ESYT2: variants seen among roughly 807,000 people sequenced by gnomAD.
ESYT2 encodes extended synaptotagmin 2.
A neutral mutation model predicts 107.2 loss-of-function variants in ESYT2; 54 were observed. That is an observed-to-expected ratio of 0.50 (90% CI 0.40 to 0.63). The LOEUF (loss-of-function observed/expected upper bound fraction) is 0.63, where lower values mean the gene tolerates loss of function less well. Among genes scored for constraint, ESYT2 ranks in the 30% least tolerant of loss-of-function variants. ESYT2 has a pLI of 0.00. For missense variants in ESYT2, 1,020 were observed against 1,094.5 expected (o/e 0.93, Z 0.96); for synonymous variants, 491 against 434.1 (o/e 1.13, Z -1.63).
In ESYT2 at chr7:158,741,916, T is replaced by C; in HGVS notation, c.1795-20A>G. On this transcript the variant is annotated intron_variant, in intron 17 of 22. Coordinates refer to ENST00000275418, the MANE Select transcript of ESYT2 (RefSeq NM_001367773.1). ...GAGCACCTAGAGGTGGACATAAACA[T>C]AAAAATTAAACTTGGTGACACTGGT... The C allele has an allele frequency of 6.5e-7, 1 of 1,550,102 alleles. No homozygotes were observed. The highest frequency in any genetic ancestry group is 8.7e-7 in the Non-Finnish European group (1 of 1,150,426).
intron 6 of ESYT2, among the ~76,000 whole-genome samples, chr7:158,780,270 T>G (rs1162345273): frequency 6.6e-6 from 1 of 152,232 alleles, no homozygotes; most frequent in Non-Finnish European, 1.5e-5. Flanking sequence ...GCCCACTGCC[T>G]GCGACTGCAG....
intron 13 of ESYT2, among the ~76,000 whole-genome samples, chr7:158,753,185 A>G (rs574335958): frequency 6.6e-6 from 1 of 152,096 alleles, no homozygotes; most frequent in African/African-American, 2.4e-5. Context: ...TGCTGAATAA[A>G]CCCCTAAAAT....
In ESYT2 at chr7:158,793,587, G is replaced by T. The variant is rs996947229; in HGVS notation, c.584+63C>A. Reference sequence around the variant, plus strand: ...TGCTCACTGTATCCTCCACCTTACAGGTACAGCTAAGTGACATTACACGCC... The same window carrying T: ...TGCTCACTGTATCCTCCACCTTACATGTACAGCTAAGTGACATTACACGCC... On this transcript the variant is annotated intron_variant, in intron 4 of 22. Transcript: ENST00000275418. 5 of 1,218,852 alleles carry T rather than the reference G, an allele frequency of 4.1e-6. No homozygotes were observed. The African/African-American group carries it at 7.4e-5, about 18-fold the overall frequency. 75.5% of individuals were successfully genotyped at this position (1,218,852 alleles called of 1,614,324 possible).
chr7:158,735,887 C>T (rs3816464), intron 20 of ESYT2, among the ~76,000 whole-genome samples: 11 of 151,930 alleles, frequency 7.2e-5, no homozygotes, highest in Admixed American at 7.2e-4. Flanking sequence ...GAGCGTCTCT[C>T]AACATGTCTG....
intron 1 of ESYT2, among the ~76,000 whole-genome samples, chr7:158,822,030 A>G (rs1840299432): frequency 6.6e-6 from 1 of 152,116 alleles, no homozygotes; most frequent in African/African-American, 2.4e-5. Flanking sequence ...TACTCTGAGC[A>G]GAGTGTAAAT....
chr7:158,776,993 C>T (rs1315683119), intron 6 of ESYT2, among the ~76,000 whole-genome samples: 2 of 151,964 alleles, frequency 1.3e-5, no homozygotes, highest in Non-Finnish European at 2.9e-5. Flanking sequence ...GCTGGGACTA[C>T]AGGCATACAC....
At chr7:158,778,500 TA>T (rs1026718631) in intron 6 of ESYT2, among the ~76,000 whole-genome samples, 1 of 151,658 alleles carries the variant, frequency 6.6e-6, no homozygotes, top group Non-Finnish European at 1.5e-5. Flanking sequence ...TGCAGGCTAT[TA>T]AAAAAATGTA....
Position 158,735,537 on chromosome 7 carries a change from C to A in ESYT2, c.2471G>T (p.Gly824Val), listed in dbSNP as rs776034418. 6.2e-7 allele frequency: 1 copy of A among 1,614,174 alleles called. No homozygotes were observed. Among genetic ancestry groups the A allele is most frequent in the Non-Finnish European group, 8.5e-7 (1 of 1,179,998 alleles). Residue 824 changes from glycine (G) to valine (V), a missense_variant, in exon 21 of 23, where the codon GGC becomes GTC. Gly to Val is a moderately radical substitution (Grantham distance 109). Transcript: ENST00000275418. Reference protein sequence around the residue: ...TLDVAVKNSGGFLSKDKGLLG... With the variant: ...TLDVAVKNSGVFLSKDKGLLG... ...GAGCCCTTTGTCTTTGGACAGGAAGCCGCCACTGTTCTTCACGGCAACGTC... is the reference window on the plus strand; with the variant it reads ...GAGCCCTTTGTCTTTGGACAGGAAGACGCCACTGTTCTTCACGGCAACGTC...
chr7:158,748,176 A>G lies in ESYT2; in HGVS notation c.1644+18T>C, dbSNP rs773335459. ...AATTATTTGTCAATAAATTGGTTAA[A>G]AAATGCAAATAAAATACCTCAACTT... On this transcript the variant is annotated intron_variant, in intron 16 of 22. Coordinates refer to ENST00000275418, the MANE Select transcript of ESYT2 (RefSeq NM_001367773.1). The G allele has an allele frequency of 5.6e-6, 9 of 1,611,168 alleles. No individual in the cohort carries two copies. The highest frequency in any genetic ancestry group is 7.6e-6 in the Non-Finnish European group (9 of 1,178,328).
chr7:158,743,267 A>G (rs1837274400), intron 17 of ESYT2, among the ~76,000 whole-genome samples: 1 of 152,170 alleles, frequency 6.6e-6, no homozygotes, highest in Non-Finnish European at 1.5e-5. Flanking sequence ...ACAGGAAAGC[A>G]CTGTTTGAGT....
chr7:158,803,483 C>G (rs1462414023), intron 1 of ESYT2, among the ~76,000 whole-genome samples: 4 of 152,184 alleles, frequency 2.6e-5, no homozygotes, highest in Admixed American at 6.5e-5. Flanking sequence ...ACTCAGCATA[C>G]TACAGGTTTA....
chr7:158,770,308 TACATA>T (rs1365744970), intron 7 of ESYT2, among the ~76,000 whole-genome samples: 2 of 86,644 alleles, frequency 2.3e-5, no homozygotes, highest in African/African-American at 5.8e-5. Flanking sequence ...TAAATTTTAG[TACATA>T]ACATTTATGT....
intron 1 of ESYT2, among the ~76,000 whole-genome samples, chr7:158,806,019 G>A (rs1393221551): frequency 6.6e-6 from 1 of 152,116 alleles, no homozygotes; most frequent in Admixed American, 6.5e-5. Context: ...CAGGGACACA[G>A]GGCTCTTTTG....
chr7:158,786,930 G>A (rs1839133930), intron 6 of ESYT2, among the ~76,000 whole-genome samples: 1 of 152,180 alleles, frequency 6.6e-6, no homozygotes. Context: ...TGAAACAAAA[G>A]GGGCGAAGAA....
At chr7:158,773,465 G>C in intron 6 of ESYT2, 69 bp from the exon 7 acceptor site, 1 of 1,515,534 alleles carries the variant, frequency 6.6e-7, no homozygotes, top group South Asian at 1.1e-5. Flanking sequence ...GTGCACACAG[G>C]CTTGTTTCTT....
At chr7:158,751,239 T>C (rs1837574880) in intron 14 of ESYT2, among the ~76,000 whole-genome samples, 2 of 152,220 alleles carry the variant, frequency 1.3e-5, no homozygotes. Flanking sequence ...AGTGACATGA[T>C]AAAACTGTTT....
chr7:158,767,907 C>T, intron 7 of ESYT2, 133 bp from the exon 8 acceptor site: 1 of 1,000,580 alleles, frequency 1.0e-6, no homozygotes, highest in South Asian at 2.2e-5. Context: ...TCTCATTCCT[C>T]CAGTGCAATA....
intron 1 of ESYT2, among the ~76,000 whole-genome samples, chr7:158,815,258 G>A (rs1426233329): frequency 6.6e-6 from 1 of 152,152 alleles, no homozygotes; most frequent in Non-Finnish European, 1.5e-5. Flanking sequence ...GGAGGTGCTG[G>A]CTGCTGTTGG....
Position 158,829,248 on chromosome 7 carries a change from C to G in ESYT2, c.171G>C (p.Gly57=). ...LLPVYALGYL[G]LSFSWVLLAL... ...CGAGGAGAACCCAGCTGAAGCTGAG[C>G]CCCAGGTAGCCCAGCGCGTACACGG... The change falls in exon 1 of 23, where the codon GGG becomes GGC. Residue 57 remains glycine (G), a synonymous_variant. Transcript: ENST00000275418. The G allele has an allele frequency of 6.6e-7, 1 of 1,526,608 alleles. No homozygotes were observed. Among genetic ancestry groups the G allele is most frequent in the Non-Finnish European group, 8.7e-7 (1 of 1,145,352 alleles). The allele number at this position is 1,526,608 out of a possible 1,614,324, so 94.6% of individuals were successfully genotyped here.
Sources: allele counts gnomAD v4.1 joint callset (sites outside exome capture counted in the v4.1 genomes callset), GRCh38; gene constraint gnomAD v4.1.1; transcripts MANE v1.5; gene names NCBI Gene and HGNC (gene_info 2026-07-23, HGNC 2026-07-21).